CPNE4: variants seen among roughly 807,000 people sequenced by gnomAD.
CPNE4 encodes the protein copine-4.
In CPNE4, 25 loss-of-function variants were observed where a neutral mutation model predicts 67.9. The observed-to-expected ratio is 0.37, with a 90% CI of 0.27 to 0.51. The LOEUF (loss-of-function observed/expected upper bound fraction) is 0.51. Ranked by LOEUF, CPNE4 falls within the 20% of genes least tolerant of loss-of-function variation. The pLI is 0.93. For synonymous variants in CPNE4, 242 were observed against 244.9 expected (o/e 0.99, Z 0.11); for missense variants, 464 against 690.8 (o/e 0.67, Z 3.68).
intron 13 of CPNE4, among the ~76,000 whole-genome samples, chr3:131,552,031 C>T (rs968550806): frequency 4.0e-5 from 6 of 150,314 alleles, no homozygotes; most frequent in African/African-American, 1.5e-4. Flanking sequence ...CATGTTCCCC[C>T]CTCTCCTTAT....
At position 131,615,891 on chromosome 3, in the gene CPNE4, T is replaced by A. The variant is rs73216434; in HGVS notation, c.682-28309A>T. ...AAGAGCAAAACCCCATCTCTCTCTCTCACACACACACACACACACACACAC... is the reference window on the plus strand; with the variant it reads ...AAGAGCAAAACCCCATCTCTCTCTCACACACACACACACACACACACACAC... On this transcript the variant is annotated intron_variant, in intron 7 of 15. Transcript: ENST00000429747. Among the ~76,000 whole-genome samples, 336 of 107,800 alleles carry A rather than the reference T, an allele frequency of 3.1e-3. 1 individual carries two copies. The highest frequency in any genetic ancestry group is 0.013 in the Middle Eastern group (3 of 230). The allele number at this position is 107,800 out of a possible 152,430, so 70.7% of individuals were successfully genotyped here.
chr3:131,672,859 C>T (rs754977559), intron 6 of CPNE4, among the ~76,000 whole-genome samples: 10 of 151,788 alleles, frequency 6.6e-5, no homozygotes, highest in Non-Finnish European at 1.5e-4. Context: ...TCCCCTTTGT[C>T]CATTTTTGCT....
At chr3:131,792,592 T>C (rs2083756067) in intron 2 of CPNE4, among the ~76,000 whole-genome samples, 3 of 142,954 alleles carry the variant, frequency 2.1e-5, no homozygotes, top group South Asian at 2.2e-4. Flanking sequence ...CATACATATA[T>C]ATATGTATAT....
Position 131,575,145 on chromosome 3 carries a change from A to C in CPNE4, c.868-15T>G. On this transcript the variant is annotated splice_polypyrimidine_tract_variant and intron_variant, in intron 9 of 15. Transcript: ENST00000429747. Reference sequence around the variant, plus strand: ...ATCTTGTGAATCTGCATAGGAGGGGAGAGGAAACTGGGTTAATAACAGCAC... The same window carrying C: ...ATCTTGTGAATCTGCATAGGAGGGGCGAGGAAACTGGGTTAATAACAGCAC... The C allele has an allele frequency of 6.2e-7, 1 of 1,610,906 alleles. No individual in the cohort carries two copies. Among genetic ancestry groups the C allele is most frequent in the Non-Finnish European group, 8.5e-7 (1 of 1,177,562 alleles).
At chr3:131,978,154 TATAA>T (rs2072739577) in intron 1 of CPNE4, among the ~76,000 whole-genome samples, 1 of 71,404 alleles carries the variant, frequency 1.4e-5, no homozygotes, top group South Asian at 3.5e-4. Context: ...ATATAAAATA[TATAA>T]ATATATATAA....
chr3:131,601,802 C>T (rs1353739691), intron 7 of CPNE4, among the ~76,000 whole-genome samples: 2 of 152,072 alleles, frequency 1.3e-5, no homozygotes, highest in Non-Finnish European at 2.9e-5. Context: ...TATCTCAAAG[C>T]ACTTCTCTAT....
chr3:131,877,226 A>C (rs2087496695), intron 2 of CPNE4, among the ~76,000 whole-genome samples: 2 of 152,120 alleles, frequency 1.3e-5, no homozygotes. Flanking sequence ...GACATGGATG[A>C]TACAGCCTTC....
intron 1 of CPNE4, among the ~76,000 whole-genome samples, chr3:132,019,803 A>G (rs753378872): frequency 5.3e-5 from 8 of 152,152 alleles, no homozygotes; most frequent in Non-Finnish European, 1.0e-4. Context: ...TCAGAAACAA[A>G]AAGTCTAAAA....
At chr3:131,778,363 G>A (rs534159784) in intron 2 of CPNE4, among the ~76,000 whole-genome samples, 2 of 152,170 alleles carry the variant, frequency 1.3e-5, no homozygotes, top group East Asian at 3.9e-4. Context: ...CTGTCCTGGA[G>A]AGAGTATAGA....
At chr3:131,616,780 GAACA>G (rs1365601489) in intron 7 of CPNE4, among the ~76,000 whole-genome samples, 9 of 152,146 alleles carry the variant, frequency 5.9e-5, no homozygotes, top group Non-Finnish European at 1.3e-4. Flanking sequence ...AGGAATTAAA[GAACA>G]GACAGAACAT....
chr3:131,630,633 G>A (rs1248270687), intron 7 of CPNE4, among the ~76,000 whole-genome samples: 2 of 152,160 alleles, frequency 1.3e-5, no homozygotes, highest in Non-Finnish European at 2.9e-5. Flanking sequence ...CTCTTTAGTT[G>A]CACCAGCCAT....
intron 1 of CPNE4, among the ~76,000 whole-genome samples, chr3:132,024,082 A>ATT (rs10584915): frequency 1.5e-5 from 2 of 134,024 alleles, no homozygotes; most frequent in Admixed American, 7.3e-5. Context: ...GTCTTCAGTA[A>ATT]TTTTTTTTTT....
At chr3:131,555,683 T>C in intron 11 of CPNE4, 132 bp from the exon 12 acceptor site, 1 of 716,692 alleles carries the variant, frequency 1.4e-6, no homozygotes, top group Non-Finnish European at 2.5e-6. Context: ...TCATGCTTCT[T>C]GATTGTCTGT....
intron 7 of CPNE4, among the ~76,000 whole-genome samples, chr3:131,619,863 T>C (rs1940367254): frequency 6.6e-6 from 1 of 152,150 alleles, no homozygotes; most frequent in Non-Finnish European, 1.5e-5. Flanking sequence ...CACACTGCCT[T>C]GAGAAAAGGC....
At chr3:131,755,333 G>A (rs887532944) in intron 2 of CPNE4, among the ~76,000 whole-genome samples, 1 of 151,958 alleles carries the variant, frequency 6.6e-6, no homozygotes, top group African/African-American at 2.4e-5. Flanking sequence ...AACCTCCATA[G>A]GGGAGGAGAC....
At chr3:131,820,845 G>A (rs2084935748) in intron 2 of CPNE4, among the ~76,000 whole-genome samples, 2 of 152,306 alleles carry the variant, frequency 1.3e-5, no homozygotes, top group African/African-American at 4.8e-5. Flanking sequence ...CAGTTCTGGT[G>A]AGCAGTTGAG....
rs142882843 is a variant in CPNE4 at position 131,659,439 on chromosome 3, A to C, written c.681+10236T>G. 1.6e-4 allele frequency among the ~76,000 whole-genome samples: 25 copies of C among 152,300 alleles called. No individual in the cohort carries two copies. In the East Asian group the frequency reaches 4.4e-3, roughly 27 times the overall value. Reference sequence around the variant, plus strand: ...ACTGCTTCCAGTTGCAGCAATTGCAACTTATTTAGATGGACATTCTCTCTA... The same window carrying C: ...ACTGCTTCCAGTTGCAGCAATTGCACCTTATTTAGATGGACATTCTCTCTA... On this transcript the variant is annotated intron_variant, in intron 7 of 15. Transcript: ENST00000429747.
chr3:131,890,114 C>T (rs143386216), intron 2 of CPNE4, among the ~76,000 whole-genome samples: 10 of 151,814 alleles, frequency 6.6e-5, no homozygotes, highest in East Asian at 1.9e-4. Flanking sequence ...AAAGTTTATG[C>T]GCGACACAGA....
intron 1 of CPNE4, among the ~76,000 whole-genome samples, chr3:131,991,620 T>C (rs1434961504): frequency 2.2e-5 from 3 of 136,158 alleles, no homozygotes; most frequent in African/African-American, 7.4e-5. Flanking sequence ...GACAATGCGA[T>C]AGAAAAGAAA....
Sources: allele counts gnomAD v4.1 joint callset (sites outside exome capture counted in the v4.1 genomes callset), GRCh38; gene constraint gnomAD v4.1.1; transcripts MANE v1.5; gene names NCBI Gene and HGNC (gene_info 2026-07-23, HGNC 2026-07-21).